TENM2: variants seen among roughly 807,000 people sequenced by gnomAD.
The protein encoded by TENM2 is teneurin-2.
A neutral mutation model predicts 245.2 loss-of-function variants in TENM2; 52 were observed. The observed-to-expected ratio is 0.21, with a 90% CI of 0.17 to 0.27. TENM2 has a LOEUF of 0.27. Among genes scored for constraint, TENM2 ranks in the 10% least tolerant of loss-of-function variants. TENM2 has a pLI of 1.00. For missense variants in TENM2, 3,046 were observed against 3,666.8 expected, an observed-to-expected ratio of 0.83 and a Z score of 4.37; for synonymous variants, 1,363 against 1,438.9, an observed-to-expected ratio of 0.95 and a Z score of 1.19.
At chr5:167,463,111 A>G (rs1766426894) in intron 2 of TENM2, among the ~76,000 whole-genome samples, 1 of 152,208 alleles carries the variant, frequency 6.6e-6, no homozygotes, top group African/African-American at 2.4e-5. Context: ...AGAGATGTTT[A>G]TAAGGCATAT....
the TENM2 span, among the ~76,000 whole-genome samples, chr5:167,107,219 G>T: frequency 6.6e-6 from 1 of 151,782 alleles, no homozygotes; most frequent in Non-Finnish European, 1.5e-5. Flanking sequence ...CCGAGACTGC[G>T]CCATTGCACT....
chr5:167,543,644 T>C (rs372634537), intron 2 of TENM2, among the ~76,000 whole-genome samples: 2 of 152,196 alleles, frequency 1.3e-5, no homozygotes, highest in Admixed American at 6.5e-5. Context: ...TAGAAATTTA[T>C]TTTCACATAG....
intron 2 of TENM2, among the ~76,000 whole-genome samples, chr5:167,514,468 C>T (rs1189821986): frequency 3.9e-5 from 6 of 152,134 alleles, no homozygotes; most frequent in African/African-American, 1.4e-4. Flanking sequence ...GAAGAATACA[C>T]AAAAATGTCT....
chr5:167,061,091 AACAC>A, the TENM2 span, among the ~76,000 whole-genome samples: 1,924 of 149,714 alleles, frequency 0.013, 16 homozygotes, highest in East Asian at 0.038. Context: ...CTCTCTCCAA[AACAC>A]ACACACACAC....
chr5:167,878,172 A>C (rs1773583038), intron 3 of TENM2, among the ~76,000 whole-genome samples: 2 of 152,130 alleles, frequency 1.3e-5, no homozygotes, highest in African/African-American at 4.8e-5. Context: ...ATCAGATTGA[A>C]ACTTGTTGAT....
chr5:167,205,277 A>G, the TENM2 span, among the ~76,000 whole-genome samples: 1 of 152,140 alleles, frequency 6.6e-6, no homozygotes, highest in Admixed American at 6.5e-5. Context: ...GCTACTCGAG[A>G]GGCTGAGGCA....
intron 2 of TENM2, among the ~76,000 whole-genome samples, chr5:167,498,165 C>G (rs1027117454): frequency 1.4e-4 from 21 of 149,288 alleles, no homozygotes; most frequent in African/African-American, 5.4e-4. Context: ...GAAAGAAGAC[C>G]TCTGTGTTTC....
At chr5:167,746,272 G>A (rs2150617793) in intron 2 of TENM2, among the ~76,000 whole-genome samples, 1 of 152,236 alleles carries the variant, frequency 6.6e-6, no homozygotes, top group Non-Finnish European at 1.5e-5. Flanking sequence ...AGGGAGTGTT[G>A]CCACCTTAAA....
chr5:167,598,321 C>G (rs1776364112), intron 2 of TENM2, among the ~76,000 whole-genome samples: 1 of 152,154 alleles, frequency 6.6e-6, no homozygotes, highest in African/African-American at 2.4e-5. Flanking sequence ...TCAATTCTCC[C>G]TCATGTGCAA....
intron 5 of TENM2, among the ~76,000 whole-genome samples, chr5:168,003,696 A>G (rs919541642): frequency 6.6e-6 from 1 of 152,200 alleles, no homozygotes; most frequent in Non-Finnish European, 1.5e-5. Flanking sequence ...CTCATCTTAC[A>G]TCATTAAACT....
intron 12 of TENM2, among the ~76,000 whole-genome samples, chr5:168,152,510 A>T (rs1216059787): frequency 6.6e-6 from 1 of 152,192 alleles, no homozygotes; most frequent in African/African-American, 2.4e-5. Flanking sequence ...TCCTGTGGCT[A>T]TAAGGATGCT....
intron 1 of TENM2, among the ~76,000 whole-genome samples, chr5:167,356,036 G>A (rs1446448347): frequency 6.6e-6 from 1 of 151,110 alleles, no homozygotes; most frequent in Non-Finnish European, 1.5e-5. Flanking sequence ...ACAAAAATTA[G>A]CTGGGCATGA....
At chr5:167,583,685 A>G (rs1775269175) in intron 2 of TENM2, among the ~76,000 whole-genome samples, 1 of 152,198 alleles carries the variant, frequency 6.6e-6, no homozygotes, top group Non-Finnish European at 1.5e-5. Flanking sequence ...TTATTAAATC[A>G]AGAAGATATG....
At chr5:168,115,447 T>G (rs1429457757) in intron 9 of TENM2, among the ~76,000 whole-genome samples, 3 of 149,618 alleles carry the variant, frequency 2.0e-5, no homozygotes, top group South Asian at 2.1e-4. Flanking sequence ...AGAAAAAAAT[T>G]TTATCTATAT....
In TENM2 at chr5:167,634,206, CTGTT is replaced by C. The variant is rs150308195; in HGVS notation, c.503-241777_503-241774del. 2.4e-3 allele frequency among the ~76,000 whole-genome samples: 360 copies of C among 152,290 alleles called. 1 individual carries two copies. Among genetic ancestry groups the C allele is most frequent in the East Asian group, 0.021 (110 of 5,192 alleles). On this transcript the variant is annotated intron_variant, in intron 2 of 28. Coordinates refer to ENST00000518659, the Ensembl canonical transcript of TENM2. ...TTTTTAAGAAACAGTTTTGTAATGA[CTGTT>C]TGGCCAGTGACTGCATTCCAATATA...
intron 12 of TENM2, chr5:168,129,971 A>C (rs1288959575): frequency 6.6e-6 from 1 of 152,250 alleles, no homozygotes; most frequent in African/African-American, 2.4e-5. Context: ...AGTGTTGGAC[A>C]CTTGGGTTGT....
intron 12 of TENM2, among the ~76,000 whole-genome samples, chr5:168,153,901 G>A (rs1756878321): frequency 6.6e-6 from 1 of 152,122 alleles, no homozygotes; most frequent in Non-Finnish European, 1.5e-5. Context: ...GCAGGGGCAT[G>A]GCATGAGTTG....
chr5:167,928,403 A>T (rs905719863), intron 3 of TENM2, among the ~76,000 whole-genome samples: 1 of 152,242 alleles, frequency 6.6e-6, no homozygotes, highest in Non-Finnish European at 1.5e-5. Flanking sequence ...CCCATAAAGG[A>T]TATTACTAAC....
chr5:167,510,980 A>T (rs1769915912), intron 2 of TENM2, among the ~76,000 whole-genome samples: 1 of 152,056 alleles, frequency 6.6e-6, no homozygotes, highest in Non-Finnish European at 1.5e-5. Flanking sequence ...GGATTTGGGG[A>T]AGGAGACAAG....
Sources: allele counts gnomAD v4.1 joint callset (sites outside exome capture counted in the v4.1 genomes callset), GRCh38; gene constraint gnomAD v4.1.1; transcripts MANE v1.5; gene names NCBI Gene and HGNC (gene_info 2026-07-23, HGNC 2026-07-21).